COL27A1: variants seen among roughly 807,000 people sequenced by gnomAD.
The protein encoded by COL27A1 is collagen type XXVII alpha 1 chain.
In COL27A1, 106 loss-of-function variants were observed where a neutral mutation model predicts 251.3. The observed-to-expected ratio is 0.42, with a 90% CI of 0.36 to 0.50. The LOEUF is 0.50. Among genes scored for constraint, COL27A1 ranks in the 20% least tolerant of loss-of-function variants. The probability of loss-of-function intolerance (pLI) is 0.00; values close to 1 mark genes in which losing one functional copy is unlikely to be tolerated. For missense variants in COL27A1, 2,325 were observed against 2,522.8 expected, an observed-to-expected ratio of 0.92 and a Z score of 1.68; for synonymous variants, 1,000 against 986.3, an observed-to-expected ratio of 1.01 and a Z score of -0.26.
chr9:114,183,188 C>T (rs916684897), intron 5 of COL27A1, 113 bp downstream of exon 5: 6 of 1,008,036 alleles, frequency 6.0e-6, no homozygotes, highest in East Asian at 2.4e-5. Context: ...GAGGGGGATT[C>T]CCGCCTAAGC....
chr9:114,223,124 C>T (rs928008776), intron 14 of COL27A1, among the ~76,000 whole-genome samples: 4 of 152,114 alleles, frequency 2.6e-5, no homozygotes, highest in Non-Finnish European at 5.9e-5. Flanking sequence ...TGAGTGTTAA[C>T]CTTGGGCCCA....
intron 4 of COL27A1, among the ~76,000 whole-genome samples, chr9:114,181,330 TCA>T (rs1162305827): frequency 2.6e-5 from 4 of 152,128 alleles, no homozygotes. Context: ...CTCCCCAGGC[TCA>T]GTGTGCTCTG....
intron 7 of COL27A1, among the ~76,000 whole-genome samples, chr9:114,196,435 T>A (rs1829137692): frequency 6.6e-6 from 1 of 152,102 alleles, no homozygotes; most frequent in African/African-American, 2.4e-5. Flanking sequence ...ATGGAGACAA[T>A]GATCCCCGTC....
intron 2 of COL27A1, among the ~76,000 whole-genome samples, chr9:114,167,219 C>A (rs1848949589): frequency 6.6e-6 from 1 of 152,180 alleles, no homozygotes; most frequent in Admixed American, 6.5e-5. Flanking sequence ...CTCTCAGCAA[C>A]AGCATTTGGT....
intron 21 of COL27A1, 97 bp downstream of exon 21, chr9:114,240,584 G>A: frequency 8.3e-7 from 1 of 1,197,656 alleles, no homozygotes; most frequent in Non-Finnish European, 1.2e-6. Flanking sequence ...TTGGGCTGGA[G>A]CCCCCTCAGC....
chr9:114,268,938 AAAAC>A (rs965106344), intron 34 of COL27A1: 4 of 303,780 alleles, frequency 1.3e-5, no homozygotes, highest in Non-Finnish European at 1.2e-5. Flanking sequence ...CCTGTTTCAA[AAAAC>A]AAACAAAAAA....
chr9:114,233,420 T>TCCAGCCACAACCCA (rs1291111273), intron 16 of COL27A1, among the ~76,000 whole-genome samples: 2,409 of 152,244 alleles, frequency 0.016, 71 homozygotes, highest in African/African-American at 0.054. Context: ...TGCCCAAGCC[T>TCCAGCCACAACCCA]CCAGCCACAA....
At chr9:114,287,536 A>AT (rs1206788517) in intron 41 of COL27A1, among the ~76,000 whole-genome samples, 2 of 151,934 alleles carry the variant, frequency 1.3e-5, no homozygotes, top group Non-Finnish European at 2.9e-5. Context: ...CCATGTCTAT[A>AT]TGACACAGTC....
intron 3 of COL27A1, among the ~76,000 whole-genome samples, chr9:114,176,552 C>T (rs1184540452): frequency 1.3e-5 from 2 of 151,138 alleles, no homozygotes; most frequent in African/African-American, 2.4e-5. Flanking sequence ...GGGGGGGGTG[C>T]CCTATGTGAA....
At chr9:114,258,902 T>C (rs56867463) in intron 28 of COL27A1, among the ~76,000 whole-genome samples, 21,673 of 152,228 alleles carry the variant, frequency 0.14, 1,640 homozygotes, top group East Asian at 0.21. Context: ...GCGGACACTG[T>C]TGGAGGCTCT....
chr9:114,215,179 C>T (rs1830640423), intron 12 of COL27A1, among the ~76,000 whole-genome samples: 1 of 152,226 alleles, frequency 6.6e-6, no homozygotes. Flanking sequence ...TCAGGGATGA[C>T]TGGGACCTGC....
At position 114,168,488 on chromosome 9, in the gene COL27A1, T is replaced by A. The variant is rs1260667687; in HGVS notation, c.933T>A (p.His311Gln). The change falls in exon 3 of 61, where the codon CAT (histidine) becomes CAA (glutamine). Residue 311 changes from histidine to glutamine, a missense_variant. Physicochemically the swap from His to Gln is conservative, Grantham distance 24. Around this residue, in one of 4 missense-constraint regions of COL27A1, gnomAD observed 1,183 missense variants for 1,144.1 expected, o/e 1.03. Coordinates refer to ENST00000356083, the MANE Select transcript of COL27A1 (RefSeq NM_032888.4). ...CTAGCCCCACAAACCCTCACCAGCA[T>A]ATGGCGGTGGGAGGCCCAGCCCAAA... ...QRTSPTNPHQHMAVGGPAQTP... is the reference protein window; with the variant it reads ...QRTSPTNPHQQMAVGGPAQTP... 3.7e-6 allele frequency: 6 copies of A among 1,613,668 alleles called. No homozygotes were observed. The highest frequency in any genetic ancestry group is 8.5e-7 in the Non-Finnish European group (1 of 1,179,874).
chr9:114,169,770 A>C lies in COL27A1; in HGVS notation c.1908+307A>C, dbSNP rs1409907091. ...GCCCGTTCTTTGCTAACCCAGCTGC[A>C]AAGCTCGAACAGCTTAAGGAAGGCC... On this transcript the variant is annotated intron_variant, in intron 3 of 60. Coordinates refer to ENST00000356083, the MANE Select transcript of COL27A1 (RefSeq NM_032888.4). 3.3e-5 allele frequency among the ~76,000 whole-genome samples: 5 copies of C among 152,318 alleles called. No individual in the cohort carries two copies. The East Asian group carries it at 7.7e-4, about 24-fold the overall frequency.
chr9:114,221,302 G>A (rs1831093181), intron 13 of COL27A1, among the ~76,000 whole-genome samples: 1 of 152,144 alleles, frequency 6.6e-6, no homozygotes, highest in Non-Finnish European at 1.5e-5. Flanking sequence ...AAAGGCATGG[G>A]GTGAGGGGAA....
intron 60 of COL27A1, among the ~76,000 whole-genome samples, chr9:114,310,197 C>A (rs10982141): frequency 0.092 from 13,960 of 151,778 alleles, 1,130 homozygotes; most frequent in East Asian, 0.25. Flanking sequence ...ATTCATGTAC[C>A]CAAACCCCAC....
At chr9:114,293,116 C>A (rs10817584) in intron 49 of COL27A1, among the ~76,000 whole-genome samples, 10,078 of 152,240 alleles carry the variant, frequency 0.066, 530 homozygotes, top group East Asian at 0.22. Context: ...TTATAGAACA[C>A]CACATCCAAT....
chr9:114,169,456 G>T lies in COL27A1; in HGVS notation c.1901G>T (p.Gly634Val). Residue 634 changes from glycine (G) to valine (V), a missense_variant, in exon 3 of 61, where the codon GGC becomes GTC. Coordinates refer to ENST00000356083, the MANE Select transcript of COL27A1 (RefSeq NM_032888.4). ...CCTCCGGGACCCAAGGGAGACTGTG[G>T]CTTGCCGGTAAGACTGAGTGGGGTC... ...MGPPGPKGDC[G>V]LPGPPGLPGL... 1 of 1,534,522 alleles carries T rather than the reference G, an allele frequency of 6.5e-7. No homozygotes were observed. The highest frequency in any genetic ancestry group is 8.7e-7 in the Non-Finnish European group (1 of 1,143,524).
At chr9:114,266,178 A>G (rs1834728519) in intron 32 of COL27A1, among the ~76,000 whole-genome samples, 1 of 152,040 alleles carries the variant, frequency 6.6e-6, no homozygotes, top group Non-Finnish European at 1.5e-5. Context: ...GCATTCCCAC[A>G]TCTTGAGGCC....
In COL27A1 at chr9:114,183,027, T is replaced by C; in HGVS notation, c.1968T>C (p.Pro656=). The C allele has an allele frequency of 1.2e-6, 2 of 1,613,808 alleles. No individual in the cohort carries two copies. The highest frequency in any genetic ancestry group is 1.7e-6 in the Non-Finnish European group (2 of 1,179,954). The part of the protein sequence containing the change: ...GIPGARGPRG[P]PGPYGNPGLP... Reference sequence around the variant, plus strand: ...TTGTTCCTTGTCTCTTTCAGGGTCCTCCTGGGCCTTATGGAAATCCAGGTC... The same window carrying C: ...TTGTTCCTTGTCTCTTTCAGGGTCCCCCTGGGCCTTATGGAAATCCAGGTC... Residue 656 remains proline (P), a synonymous_variant, in exon 5 of 61, where the codon CCT becomes CCC. Transcript: ENST00000356083.
Sources: gnomAD v4.1 joint callset for allele counts (sites outside exome capture counted in the v4.1 genomes callset) on GRCh38, gnomAD v4.1.1 for gene constraint, gnomAD v4.1.1 regional missense constraint, MANE v1.5 for transcripts, NCBI Gene and HGNC (gene_info 2026-07-23, HGNC 2026-07-21) for gene names.